The following TTI1 variants were observed in gnomAD, a reference collection of about 807,000 sequenced individuals.
TTI1 encodes the protein TELO2-interacting protein 1 homolog.
In TTI1, 52 loss-of-function variants were observed where a neutral mutation model predicts 85.4. The observed-to-expected ratio is 0.61, with a 90% CI of 0.49 to 0.77. The LOEUF (loss-of-function observed/expected upper bound fraction) is 0.77. TTI1 is among the 30% of genes least tolerant of loss of function. TTI1 has a pLI of 0.00. For synonymous variants in TTI1, 512 were observed against 503.9 expected (o/e 1.02, Z -0.22); for missense variants, 1,173 against 1,296.0 (o/e 0.91, Z 1.46).
At chr20:38,005,274 T>C (rs557308946) in intron 3 of TTI1, among the ~76,000 whole-genome samples, 53 of 152,338 alleles carry the variant, frequency 3.5e-4, no homozygotes, top group Middle Eastern at 3.4e-3. Flanking sequence ...CCAAGCTCAT[T>C]ATGACTTGGC....
At chr20:38,026,847 G>A (rs1259465196) in intron 1 of TTI1, among the ~76,000 whole-genome samples, 1 of 152,168 alleles carries the variant, frequency 6.6e-6, no homozygotes, top group Non-Finnish European at 1.5e-5. Context: ...CATCTGACAT[G>A]GTTCTAAATG....
At chr20:38,017,126 C>G (rs981303440) in intron 1 of TTI1, among the ~76,000 whole-genome samples, 1 of 152,120 alleles carries the variant, frequency 6.6e-6, no homozygotes, top group Non-Finnish European at 1.5e-5. Context: ...GTCTGTTTTA[C>G]CTAGTTTAGA....
At chr20:38,011,070 T>C (rs1389412086) in intron 2 of TTI1, among the ~76,000 whole-genome samples, 4 of 152,196 alleles carry the variant, frequency 2.6e-5, no homozygotes, top group Non-Finnish European at 5.9e-5. Flanking sequence ...TTCTAGACAA[T>C]ATGTGACTGA....
At chr20:37,993,378 G>C (rs1453092948) in intron 7 of TTI1, among the ~76,000 whole-genome samples, 1 of 152,102 alleles carries the variant, frequency 6.6e-6, no homozygotes, top group African/African-American at 2.4e-5. Context: ...GGATGTAAAA[G>C]CCTGCCACAA....
intron 7 of TTI1, among the ~76,000 whole-genome samples, chr20:37,991,752 T>G (rs1029093982): frequency 2.0e-5 from 3 of 152,204 alleles, no homozygotes; most frequent in Non-Finnish European, 2.9e-5. Flanking sequence ...GTACCCCACA[T>G]AGGTGTGTAC....
chr20:38,019,174 T>G (rs1037532126), intron 1 of TTI1: 1 of 149,526 alleles, frequency 6.7e-6, no homozygotes, highest in Non-Finnish European at 1.5e-5. Context: ...AGGGTGAAAT[T>G]CAGATATTTA....
In TTI1 at chr20:37,983,548, G is replaced by C. The variant is rs1034629415; in HGVS notation, c.3178C>G (p.Pro1060Ala). 5.0e-6 allele frequency: 8 copies of C among 1,610,606 alleles called. No individual in the cohort carries two copies. Among genetic ancestry groups the C allele is most frequent in the Non-Finnish European group, 5.9e-6 (7 of 1,178,826 alleles). ...YCPVQFTPPHPSLHPVQLHGA... is the reference protein window; with the variant it reads ...YCPVQFTPPHASLHPVQLHGA... The stretch of plus-strand genomic sequence containing the variant: ...TGCAGCTGCACAGGGTGGAGGCTGG[G>C]GTGGGGAGGTGTGAACTGCACGGGG... Residue 1060 changes from proline to alanine, a missense_variant, in exon 8 of 8, where the codon CCC (proline) becomes GCC (alanine). Pro to Ala is a conservative substitution (Grantham distance 27). Coordinates refer to ENST00000373447, the MANE Select transcript of TTI1 (RefSeq NM_001303457.2).
chr20:38,028,727 T>A (rs1300535215), intron 1 of TTI1, among the ~76,000 whole-genome samples: 1 of 152,142 alleles, frequency 6.6e-6, no homozygotes, highest in Non-Finnish European at 1.5e-5. Context: ...TTTGTTTTTT[T>A]AGACAGGATC....
In TTI1 at chr20:37,999,328, C is replaced by T; in HGVS notation, c.2653G>A (p.Val885Ile). The T allele has an allele frequency of 1.4e-6, 2 of 1,406,350 alleles. No homozygotes were observed. Among genetic ancestry groups the T allele is most frequent in the South Asian group, 3.5e-5 (2 of 57,022 alleles). 87.1% of individuals were successfully genotyped at this position (1,406,350 alleles called of 1,614,324 possible). Residue 885 changes from valine to isoleucine, a missense_variant and splice_region_variant, in exon 5 of 8, where the codon GTC becomes ATC. By Grantham distance (29) the Val-to-Ile change is conservative. Coordinates refer to ENST00000373447, the MANE Select transcript of TTI1 (RefSeq NM_001303457.2). Reference protein sequence around the residue: ...SDKNLQIRLKVLDVLDLCVVV... With the variant: ...SDKNLQIRLKILDVLDLCVVV... ...ACACACAGATCCAGCACATCCAAGA[C>T]CTGAAAGAGACACGATTTCAGCAGA...
intron 6 of TTI1, 52 bp from the exon 7 acceptor site, chr20:37,996,514 C>A: frequency 6.3e-7 from 1 of 1,595,720 alleles, no homozygotes; most frequent in Non-Finnish European, 8.6e-7. Flanking sequence ...TCATTTGGGA[C>A]AAGCAGTGAC....
chr20:38,005,771 A>G (rs1438344426), intron 3 of TTI1: 1 of 152,418 alleles, frequency 6.6e-6, no homozygotes, highest in Admixed American at 6.5e-5. Flanking sequence ...GGGAATTTAA[A>G]GAAATATGCA....
At chr20:38,005,792 A>C (rs1209737168) in intron 3 of TTI1, 1 of 143,064 alleles carries the variant, frequency 7.0e-6, no homozygotes, top group East Asian at 2.0e-4. Context: ...AAAATAAAAA[A>C]TAAAAAAATA....
At chr20:38,009,234 G>T (rs2073545531) in intron 2 of TTI1, among the ~76,000 whole-genome samples, 1 of 152,190 alleles carries the variant, frequency 6.6e-6, no homozygotes, top group South Asian at 2.1e-4. Context: ...GTCTGCATAA[G>T]CAACCAGTCA....
intron 7 of TTI1, among the ~76,000 whole-genome samples, chr20:37,990,220 T>C (rs1422615653): frequency 6.6e-6 from 1 of 152,218 alleles, no homozygotes; most frequent in East Asian, 1.9e-4. Context: ...CTTCCTTTTT[T>C]CTTTGTTGCA....
intron 7 of TTI1, among the ~76,000 whole-genome samples, chr20:37,991,524 AG>A (rs1178131478): frequency 2.0e-5 from 3 of 152,240 alleles, no homozygotes; most frequent in Non-Finnish European, 4.4e-5. Flanking sequence ...GAAAGAGAGC[AG>A]GGAAGTCAGT....
intron 2 of TTI1, among the ~76,000 whole-genome samples, chr20:38,006,877 T>C (rs138663260): frequency 1.3e-5 from 2 of 152,350 alleles, no homozygotes; most frequent in East Asian, 3.9e-4. Flanking sequence ...CTATGTTCCA[T>C]TGGTCACCAC....
chr20:38,007,891 T>C (rs1485978315), intron 2 of TTI1, among the ~76,000 whole-genome samples: 1 of 152,226 alleles, frequency 6.6e-6, no homozygotes, highest in African/African-American at 2.4e-5. Flanking sequence ...TAGTGCACTC[T>C]AAGGCACTGG....
chr20:38,013,316 T>C lies in TTI1; in HGVS notation c.501A>G (p.Ser167=). 1 of 1,614,110 alleles carries C rather than the reference T, an allele frequency of 6.2e-7. No individual in the cohort carries two copies. Among genetic ancestry groups the C allele is most frequent in the Non-Finnish European group, 8.5e-7 (1 of 1,180,034 alleles). ...LLLGLAEQEK[S]KQIKIAALKC... Reference sequence around the variant, plus strand: ...TTAAGGCAGCAATTTTAATTTGCTTTGATTTCTCCTGTTCTGCAAGGCCTA... The same window carrying C: ...TTAAGGCAGCAATTTTAATTTGCTTCGATTTCTCCTGTTCTGCAAGGCCTA... Residue 167 remains serine, a synonymous_variant, in exon 2 of 8, where the codon TCA becomes TCG. Coordinates refer to ENST00000373447, the MANE Select transcript of TTI1 (RefSeq NM_001303457.2).
intron 2 of TTI1, among the ~76,000 whole-genome samples, chr20:38,009,378 G>C (rs1461491629): frequency 1.3e-5 from 2 of 152,104 alleles, no homozygotes; most frequent in East Asian, 3.8e-4. Context: ...GCTCCTCAAG[G>C]CCCTACCAGG....
Sources: allele counts gnomAD v4.1 joint callset (sites outside exome capture counted in the v4.1 genomes callset), GRCh38; gene constraint gnomAD v4.1.1; transcripts MANE v1.5; gene names NCBI Gene and HGNC (gene_info 2026-07-23, HGNC 2026-07-21).